The following EVC2 variants were observed in gnomAD, a reference collection of about 807,000 sequenced individuals.
EVC2 encodes the protein limbin.
A neutral mutation model predicts 149.3 loss-of-function variants in EVC2; 148 were observed. The observed-to-expected ratio is 0.99, with a 90% CI of 0.87 to 1.14. EVC2 has a LOEUF of 1.14. EVC2 is among the 50% of genes most tolerant of loss of function. The pLI is 0.00. For missense variants in EVC2, 1,854 were observed against 1,627.3 expected (o/e 1.14, Z -2.40); for synonymous variants, 776 against 649.9 (o/e 1.19, Z -2.95).
chr4:5,542,532 G>A (rs1371274183), downstream of EVC2, among the ~76,000 whole-genome samples: 3 of 152,106 alleles, frequency 2.0e-5, no homozygotes, highest in Admixed American at 1.3e-4. Context: ...CATCCCTCTG[G>A]GGCCACAACT....
intron 9 of EVC2, among the ~76,000 whole-genome samples, chr4:5,658,491 T>A (rs140216970): frequency 3.9e-5 from 6 of 152,240 alleles, no homozygotes; most frequent in Non-Finnish European, 8.8e-5. Context: ...CAAATACTCA[T>A]GGAACACTTA....
downstream of EVC2, among the ~76,000 whole-genome samples, chr4:5,561,673 A>T (rs928063747): frequency 1.1e-4 from 17 of 152,308 alleles, no homozygotes; most frequent in African/African-American, 3.8e-4. Context: ...ACTCAGGTTC[A>T]AATTGAGGAT....
chr4:5,685,528 C>A, intron 5 of EVC2, 49 bp from the exon 6 acceptor site: 2 of 1,518,972 alleles, frequency 1.3e-6, no homozygotes, highest in Non-Finnish European at 1.8e-6. Context: ...GGCCACGCCC[C>A]CGGCTGCACC....
In EVC2 at chr4:5,628,271, C is replaced by T. The variant is rs180800828; in HGVS notation, c.1886+288G>A. On this transcript the variant is annotated intron_variant, in intron 12 of 21. Transcript: ENST00000344408. ...CGGGACCTTTACGAGATGATTAGGT[C>T]ATGAGGGATCCACCCTCATGAATGG... Among the ~76,000 whole-genome samples the T allele has an allele frequency of 6.6e-5, 10 of 152,010 alleles. No homozygotes were observed. In the East Asian group the frequency reaches 2.0e-3, roughly 30 times the overall value.
At chr4:5,592,448 T>C (rs920465684) in intron 16 of EVC2, among the ~76,000 whole-genome samples, 5 of 152,158 alleles carry the variant, frequency 3.3e-5, no homozygotes, top group Non-Finnish European at 5.9e-5. Context: ...ACTAGTCAGA[T>C]GTGAGCAGGG....
At chr4:5,706,772 G>C (rs1393053622) in intron 1 of EVC2, among the ~76,000 whole-genome samples, 1 of 152,138 alleles carries the variant, frequency 6.6e-6, no homozygotes, top group Non-Finnish European at 1.5e-5. Context: ...CCCATCAACA[G>C]CTGGGATGGG....
chr4:5,602,492 T>C (rs7657100), intron 16 of EVC2, among the ~76,000 whole-genome samples: 9,703 of 151,836 alleles, frequency 0.064, 908 homozygotes, highest in African/African-American at 0.21. Context: ...ATAGAAACCA[T>C]AAATACTGAT....
the EVC2 span, among the ~76,000 whole-genome samples, chr4:5,530,523 G>A: frequency 3.0e-4 from 41 of 134,854 alleles, no homozygotes; most frequent in African/African-American, 8.0e-4. Context: ...CACAGTTACC[G>A]CGTGTGTGTG....
rs202102149 is a variant in EVC2, at chr4:5,562,830, G to T, written c.*18C>A. The T allele has an allele frequency of 2.5e-6, 4 of 1,613,178 alleles. No individual in the cohort carries two copies. The highest frequency in any genetic ancestry group is 3.4e-6 in the Non-Finnish European group (4 of 1,180,034). On this transcript the variant is annotated 3_prime_UTR_variant, in exon 22 of 22. Transcript: ENST00000344408. The surrounding 1 kb of genome is among the most constrained non-coding windows in gnomAD (Gnocchi z 4.3). ...ATCCCTTCTCTCTTCAGATGCTCCC[G>T]CAGGTCTTTCCCTTGGGCTAGTCCA...
rs1026204458 is a variant in EVC2 at position 5,677,812 on chromosome 4, C to T, written c.870+3448G>A. Among the ~76,000 whole-genome samples, 1 of 152,228 alleles carries T rather than the reference C, an allele frequency of 6.6e-6. No homozygotes were observed. The highest frequency in any genetic ancestry group is 1.5e-5 in the Non-Finnish European group (1 of 68,046). On this transcript the variant is annotated intron_variant, in intron 7 of 21. Transcript: ENST00000344408. This position sits in a 1 kb window ranked among gnomAD's most constrained non-coding sequence, Gnocchi z 4.3. ...CAGGCAAATCCGACATGGCCTCACC[C>T]GCCAGGAGCTCACAGACCACCAGAA...
intron 11 of EVC2, among the ~76,000 whole-genome samples, chr4:5,630,479 A>G (rs529747202): frequency 6.6e-6 from 1 of 152,340 alleles, no homozygotes; most frequent in South Asian, 2.1e-4. Flanking sequence ...GATGTGGCTC[A>G]TTCTGCTATG....
chr4:5,676,152 G>A (rs561926951), intron 7 of EVC2, among the ~76,000 whole-genome samples: 2 of 152,220 alleles, frequency 1.3e-5, no homozygotes, highest in African/African-American at 4.8e-5. Context: ...TGCCATCTGA[G>A]ACCTGCACTC....
chr4:5,605,596 A>C (rs542235209), intron 16 of EVC2, among the ~76,000 whole-genome samples: 1 of 152,348 alleles, frequency 6.6e-6, no homozygotes, highest in Admixed American at 6.5e-5. Context: ...CTGTGTCTCC[A>C]ATCTACTTTG....
intron 8 of EVC2, 86 bp from the exon 9 acceptor site, chr4:5,663,332 T>C (rs1237351618): frequency 6.3e-6 from 10 of 1,587,514 alleles, no homozygotes; most frequent in Non-Finnish European, 8.6e-6. Context: ...AGGCCAGGGG[T>C]CTGCAGTCTG....
At chr4:5,575,765 C>T (rs1445282520) in intron 18 of EVC2, among the ~76,000 whole-genome samples, 1 of 152,176 alleles carries the variant, frequency 6.6e-6, no homozygotes, top group Non-Finnish European at 1.5e-5. Context: ...CAAAGAACAA[C>T]AACAACAAAA....
At chr4:5,565,223 C>T (rs562507672) in intron 21 of EVC2, 35 bp downstream of exon 21, 3 of 1,605,906 alleles carry the variant, frequency 1.9e-6, no homozygotes, top group Non-Finnish European at 1.7e-6. Context: ...TAGCTCACCC[C>T]CTCCCCAGCC....
At chr4:5,674,354 C>G (rs1224723027) in intron 7 of EVC2, among the ~76,000 whole-genome samples, 1 of 152,168 alleles carries the variant, frequency 6.6e-6, no homozygotes, top group East Asian at 1.9e-4. Context: ...GAGTTCTGAA[C>G]CTGGCCAGTT....
At chr4:5,542,464 T>C (rs1266057027), downstream of EVC2, among the ~76,000 whole-genome samples, 5 of 152,040 alleles carry the variant, frequency 3.3e-5, no homozygotes, top group African/African-American at 2.4e-5. Flanking sequence ...CAAAAAATAA[T>C]CCTCATTTGC....
At chr4:5,542,993 C>T in intron 22 of EVC2, 2 of 471,724 alleles carry the variant, frequency 4.2e-6, no homozygotes, top group Non-Finnish European at 7.3e-6. Context: ...TCCCCTCCAC[C>T]CACACTGTTA....
Sources: gnomAD v4.1 joint callset for allele counts (sites outside exome capture counted in the v4.1 genomes callset) on GRCh38, gnomAD v4.1.1 for gene constraint, Gnocchi (gnomAD v3.1) non-coding constraint, MANE v1.5 for transcripts, NCBI Gene and HGNC (gene_info 2026-07-23, HGNC 2026-07-21) for gene names.